The following MGAT5 variants were observed in gnomAD, a reference collection of about 807,000 sequenced individuals.
MGAT5 encodes alpha-1,6-mannosylglycoprotein 6-beta-N-acetylglucosaminyltransferase A.
In MGAT5, 30 loss-of-function variants were observed where a neutral mutation model predicts 94.3. That is an observed-to-expected ratio of 0.32 (90% CI 0.24 to 0.43). The LOEUF (loss-of-function observed/expected upper bound fraction) is 0.43, where lower values mean the gene tolerates loss of function less well. Among genes scored for constraint, MGAT5 ranks in the 20% least tolerant of loss-of-function variants. The pLI, the probability that MGAT5 is intolerant of heterozygous loss-of-function variation, is 1.00. For missense variants in MGAT5, 691 were observed against 905.5 expected (o/e 0.76, Z 3.04); for synonymous variants, 310 against 322.9 (o/e 0.96, Z 0.43).
At chr2:134,305,852 G>A (rs78527356) in intron 2 of MGAT5, among the ~76,000 whole-genome samples, 3,346 of 152,172 alleles carry the variant, frequency 0.022, 133 homozygotes, top group African/African-American at 0.077. Context: ...AAGGAGAATC[G>A]TTATAAATAT....
intron 2 of MGAT5, among the ~76,000 whole-genome samples, chr2:134,278,819 A>G (rs963763195): frequency 3.9e-5 from 6 of 152,154 alleles, no homozygotes; most frequent in African/African-American, 1.2e-4. Context: ...ACAGCCTGGC[A>G]TGCTTCTGTT....
chr2:134,129,986 G>A (rs1036956716), intron 1 of MGAT5, among the ~76,000 whole-genome samples: 1 of 152,212 alleles, frequency 6.6e-6, no homozygotes, highest in Non-Finnish European at 1.5e-5. Context: ...TCACAGGCCA[G>A]CGCAAGTTCC....
rs1573845754 is a variant in MGAT5 at position 134,336,103 on chromosome 2, T to C, written c.574-114T>C. The C allele has an allele frequency of 7.9e-6, 6 of 761,562 alleles. No individual in the cohort carries two copies. In the East Asian group the frequency reaches 1.4e-4, roughly 17 times the overall value. The allele number at this position is 761,562 out of a possible 1,614,324, so 47.2% of individuals were successfully genotyped here. On this transcript the variant is annotated intron_variant, in intron 4 of 15. Transcript: ENST00000281923. ...ATGGGAATTTGGCTAATAATAAAAA[T>C]AGCACATATTAATATAGTGCTAGTT...
chr2:134,325,626 C>T (rs1355320328), intron 4 of MGAT5, among the ~76,000 whole-genome samples: 2 of 152,080 alleles, frequency 1.3e-5, no homozygotes, highest in African/African-American at 4.8e-5. Context: ...TATTTCACAC[C>T]TGAAAATTAA....
intron 2 of MGAT5, among the ~76,000 whole-genome samples, chr2:134,286,773 C>T (rs916858879): frequency 1.3e-5 from 2 of 152,188 alleles, no homozygotes; most frequent in African/African-American, 4.8e-5. Context: ...TTGAATGATA[C>T]ATTCGTTGCA....
intron 12 of MGAT5, among the ~76,000 whole-genome samples, chr2:134,422,016 A>C (rs1684330591): frequency 6.6e-6 from 1 of 152,138 alleles, no homozygotes; most frequent in South Asian, 2.1e-4. Flanking sequence ...AAAAAAAAAA[A>C]AAATTGTTTT....
chr2:134,293,052 T>C (rs1685466436), intron 2 of MGAT5, among the ~76,000 whole-genome samples: 1 of 152,092 alleles, frequency 6.6e-6, no homozygotes, highest in Non-Finnish European at 1.5e-5. Flanking sequence ...CTCCAGGGAG[T>C]GTGGGTCCTT....
intron 10 of MGAT5, among the ~76,000 whole-genome samples, chr2:134,386,842 A>G (rs1419099609): frequency 1.3e-5 from 2 of 152,370 alleles, no homozygotes; most frequent in South Asian, 2.1e-4. Flanking sequence ...AAGTAGTTCT[A>G]TATGCTTAGG....
rs1466137304 is a variant in MGAT5 at position 134,184,108 on chromosome 2, T to A, written c.-143+63817T>A. Among the ~76,000 whole-genome samples the A allele has an allele frequency of 2.0e-5, 3 of 152,264 alleles. No homozygotes were observed. In the East Asian group the frequency reaches 5.8e-4, roughly 29 times the overall value. On this transcript the variant is annotated intron_variant, in intron 1 of 16. Coordinates refer to the MGAT5 transcript ENST00000409645. ...AGCTTTATTTTTTGAAACTTATTTG[T>A]ACCCACTTTCTAAATCTGCCTTTAT...
At position 134,246,167 on chromosome 2, in the gene MGAT5, T is replaced by TAAAAAAA. The variant is rs11378452; in HGVS notation, c.-142-8081_-142-8075dup. ...ATTTAGAATGTGTTTTTCCTGTTTA[T>TAAAAAAA]AAAAAAAAAAAAAAAAAAAAGGACC... On this transcript the variant is annotated intron_variant, in intron 1 of 16. Transcript: ENST00000409645. 1.5e-5 allele frequency among the ~76,000 whole-genome samples: 2 copies of TAAAAAAA among 130,528 alleles called. 1 individual carries two copies. Among genetic ancestry groups the TAAAAAAA allele is most frequent in the Non-Finnish European group, 3.2e-5 (2 of 61,930 alleles). The allele number at this position is 130,528 out of a possible 152,430, so 85.6% of individuals were successfully genotyped here.
intron 1 of MGAT5, among the ~76,000 whole-genome samples, chr2:134,138,836 G>C (rs1272239553): frequency 6.6e-6 from 1 of 152,226 alleles, no homozygotes; most frequent in Non-Finnish European, 1.5e-5. Flanking sequence ...GCTTTTGAGA[G>C]TGAAGAGGGG....
At chr2:134,267,046 C>T (rs967629786) in intron 1 of MGAT5, among the ~76,000 whole-genome samples, 6 of 152,156 alleles carry the variant, frequency 3.9e-5, no homozygotes, top group Non-Finnish European at 8.8e-5. Context: ...GTCGGGTGGA[C>T]AGAGTTACCA....
chr2:134,296,322 A>G (rs971488015), intron 2 of MGAT5, among the ~76,000 whole-genome samples: 3 of 152,192 alleles, frequency 2.0e-5, no homozygotes, highest in African/African-American at 7.2e-5. Flanking sequence ...ATGGGCATTA[A>G]AGAAATGCCG....
At chr2:134,383,420 A>G (rs1371304358) in intron 10 of MGAT5, among the ~76,000 whole-genome samples, 1 of 152,364 alleles carries the variant, frequency 6.6e-6, no homozygotes, top group South Asian at 2.1e-4. Flanking sequence ...TAAAACGCCA[A>G]ATGCCTCCAA....
At chr2:134,180,743 G>A (rs763256019) in intron 1 of MGAT5, among the ~76,000 whole-genome samples, 1 of 152,156 alleles carries the variant, frequency 6.6e-6, no homozygotes, top group Non-Finnish European at 1.5e-5. Context: ...AGAACTGTGT[G>A]TAAAATAAGA....
chr2:134,384,635 C>T (rs762606607), intron 10 of MGAT5, among the ~76,000 whole-genome samples: 4 of 152,176 alleles, frequency 2.6e-5, no homozygotes, highest in African/African-American at 4.8e-5. Flanking sequence ...ACTTACCTTT[C>T]GGAAGTTTGG....
intron 10 of MGAT5, among the ~76,000 whole-genome samples, chr2:134,377,747 C>T (rs1349533650): frequency 6.6e-6 from 1 of 152,124 alleles, no homozygotes; most frequent in Admixed American, 6.5e-5. Flanking sequence ...GGACTCCCAC[C>T]ATCAAAACTA....
intron 11 of MGAT5, among the ~76,000 whole-genome samples, chr2:134,411,166 T>C (rs928123997): frequency 3.3e-5 from 5 of 152,294 alleles, no homozygotes; most frequent in African/African-American, 1.2e-4. Context: ...CCACACCCTA[T>C]AGTTAGAAGT....
In MGAT5 at chr2:134,221,164, C is replaced by T. The variant is rs1469166163; in HGVS notation, c.-142-33098C>T. Among the ~76,000 whole-genome samples, 7 of 152,142 alleles carry T rather than the reference C, an allele frequency of 4.6e-5. No homozygotes were observed. The South Asian group carries it at 8.3e-4, about 18-fold the overall frequency. ...TGACCATGGCCCGTGACACAGCCCT[C>T]GGGAGGTCCTGAGAACATGTGCCGA... On this transcript the variant is annotated intron_variant, in intron 1 of 16. Coordinates refer to the MGAT5 transcript ENST00000409645.
Sources: allele counts gnomAD v4.1 joint callset (sites outside exome capture counted in the v4.1 genomes callset), GRCh38; gene constraint gnomAD v4.1.1; transcripts MANE v1.5; gene names NCBI Gene and HGNC (gene_info 2026-07-23, HGNC 2026-07-21).